ICE1: variants seen among roughly 807,000 people sequenced by gnomAD.
The protein encoded by ICE1 is interactor of little elongation complex ELL subunit 1, also known as little elongation complex subunit 1.
In ICE1, 64 loss-of-function variants were observed where a neutral mutation model predicts 192.7. The observed-to-expected ratio is 0.33, with a 90% confidence interval of 0.27 to 0.41. ICE1 has a LOEUF of 0.41. Among genes scored for constraint, ICE1 ranks in the 10% least tolerant of loss-of-function variants. ICE1 has a pLI of 1.00. For missense variants in ICE1, 2,708 were observed against 2,696.0 expected, an observed-to-expected ratio of 1.00 and a Z score of -0.10; for synonymous variants, 1,010 against 984.5, an observed-to-expected ratio of 1.03 and a Z score of -0.49.
intron 1 of ICE1, among the ~76,000 whole-genome samples, chr5:5,433,359 A>T (rs1737780204): frequency 6.6e-6 from 1 of 152,110 alleles, no homozygotes; most frequent in African/African-American, 2.4e-5. Flanking sequence ...ATTCCCCTTC[A>T]CCTTCTCAAA....
At chr5:5,443,491 C>A (rs1341206431) in intron 6 of ICE1, among the ~76,000 whole-genome samples, 1 of 152,042 alleles carries the variant, frequency 6.6e-6, no homozygotes, top group Non-Finnish European at 1.5e-5. Context: ...ACAAAGAACT[C>A]CATAAAGGTG....
rs369294963 is a variant in ICE1, at chr5:5,464,402, C to T, written c.5068C>T (p.Arg1690Cys). 33 of 1,613,802 alleles carry T rather than the reference C, an allele frequency of 2.0e-5. 1 individual carries two copies. The highest frequency in any genetic ancestry group is 1.6e-4 in the Middle Eastern group (1 of 6,084). The change falls in exon 13 of 19, where the codon CGT (arginine) becomes TGT (cysteine). Residue 1690 changes from arginine (R) to cysteine (C), a missense_variant. By Grantham distance (180) the Arg-to-Cys change is radical. Around this residue, in one of 2 missense-constraint regions of ICE1, gnomAD observed 2,366 missense variants for 2,276.6 expected, o/e 1.04. Transcript: ENST00000296564. This position sits in a 1 kb window ranked among gnomAD's most constrained non-coding sequence, Gnocchi z 4.0. The stretch of plus-strand genomic sequence containing the variant: ...GTCTCCATGGCCAGAGGACCCCAGA[C>T]GTGCCTCTCCTCCAGATCCTTCTCC... ...AMSPWPEDPR[R>C]ASPPDPSPSP...
intron 7 of ICE1, 95 bp downstream of exon 7, chr5:5,444,421 T>C: frequency 1.1e-6 from 1 of 883,506 alleles, no homozygotes; most frequent in Non-Finnish European, 1.8e-6. Flanking sequence ...AGTTGAATTG[T>C]TATGGTTTTT....
chr5:5,464,189 GAC>G lies in ICE1; in HGVS notation c.4860_4861del (p.Leu1621GlufsTer2). On this transcript the variant is annotated frameshift_variant, in exon 13 of 19. Coordinates refer to ENST00000296564, the MANE Select transcript of ICE1 (RefSeq NM_015325.3). LOFTEE classifies it high-confidence loss of function. This position sits in a 1 kb window ranked among gnomAD's most constrained non-coding sequence, Gnocchi z 4.0. ...ATCCACTCCTACAGATTGTTCTCCTGACACACTGAGTAAAATACGGCAAGAGG... is the reference window on the plus strand; with the variant it reads ...ATCCACTCCTACAGATTGTTCTCCTGACACTGAGTAAAATACGGCAAGAGG... ...DTSTPTDCSP[D>X]TLSKIRQEVG... 6.2e-7 allele frequency: 1 copy of G among 1,613,614 alleles called. No individual in the cohort carries two copies. The highest frequency in any genetic ancestry group is 8.5e-7 in the Non-Finnish European group (1 of 1,179,850).
At chr5:5,487,022 C>T (rs1030132699) in intron 18 of ICE1, among the ~76,000 whole-genome samples, 1 of 152,070 alleles carries the variant, frequency 6.6e-6, no homozygotes, top group South Asian at 2.1e-4. Flanking sequence ...AAATAAAAGT[C>T]GTTTGCCTTG....
chr5:5,487,123 A>G (rs1286826377), intron 18 of ICE1, among the ~76,000 whole-genome samples: 1 of 152,164 alleles, frequency 6.6e-6, no homozygotes, highest in Non-Finnish European at 1.5e-5. Flanking sequence ...GTGATCCCTG[A>G]CAAGTGACTT....
intron 10 of ICE1, among the ~76,000 whole-genome samples, chr5:5,454,026 T>C (rs914767705): frequency 1.3e-5 from 2 of 152,208 alleles, no homozygotes; most frequent in African/African-American, 2.4e-5. Context: ...CTCAAGTCCA[T>C]TGATGGATTA....
intron 17 of ICE1, among the ~76,000 whole-genome samples, chr5:5,479,251 A>G (rs758838954): frequency 1.3e-5 from 2 of 152,228 alleles, no homozygotes; most frequent in Non-Finnish European, 2.9e-5. Flanking sequence ...CAAATTTACA[A>G]GAAAAAACAA....
At chr5:5,478,573 A>G (rs529374515) in intron 17 of ICE1, among the ~76,000 whole-genome samples, 1 of 152,334 alleles carries the variant, frequency 6.6e-6, no homozygotes, top group Admixed American at 6.5e-5. Context: ...GCTACCACTG[A>G]CTTTCTTCGC....
In ICE1 at chr5:5,461,641, A is replaced by T. The variant is rs748224429; in HGVS notation, c.2307A>T (p.Thr769=). The T allele has an allele frequency of 3.5e-5, 57 of 1,613,626 alleles. 1 individual carries two copies. The South Asian group carries it at 4.5e-4, about 13-fold the overall frequency. The change falls in exon 13 of 19, where the codon ACA becomes ACT. Residue 769 remains threonine, a synonymous_variant. Coordinates refer to ENST00000296564, the MANE Select transcript of ICE1 (RefSeq NM_015325.3). ...IELTLNKPDF[T]SLIGSQAALI... ...TCACACTAAATAAGCCAGATTTCAC[A>T]TCATTAATAGGTTCTCAGGCTGCCT...
Position 5,466,513 on chromosome 5 carries a change from A to G in ICE1, c.6061+11A>G. 6.3e-7 allele frequency: 1 copy of G among 1,592,430 alleles called. No individual in the cohort carries two copies. Among genetic ancestry groups the G allele is most frequent in the Non-Finnish European group, 8.5e-7 (1 of 1,171,660 alleles). ...GCCTACTTAAAGAAGGTATGCTTAG[A>G]TTGTGACAATTTTGTATTGAAAATA... is the stretch of plus-strand genomic sequence containing the variant. On this transcript the variant is annotated intron_variant, in intron 14 of 18. Coordinates refer to ENST00000296564, the MANE Select transcript of ICE1 (RefSeq NM_015325.3).
intron 17 of ICE1, among the ~76,000 whole-genome samples, chr5:5,479,872 T>C (rs1739444375): frequency 6.6e-6 from 1 of 151,784 alleles, no homozygotes; most frequent in South Asian, 2.1e-4. Flanking sequence ...TTCTCACTCA[T>C]AAGTGGGAGT....
At position 5,463,166 on chromosome 5, in the gene ICE1, A is replaced by G. The variant is rs764383935; in HGVS notation, c.3832A>G (p.Asn1278Asp). Residue 1278 changes from asparagine to aspartate, a missense_variant, in exon 13 of 19, where the codon AAT (asparagine) becomes GAT (aspartate). Physicochemically the swap from Asn to Asp is conservative, Grantham distance 23. Transcript: ENST00000296564. ...ACTTCAAACAAATTCTGAAGATTGC[A>G]ATGGTAAAGATACTGGCAGTTTATT... ...QELQTNSEDC[N>D]GKDTGSLLLL... The G allele has an allele frequency of 2.7e-5, 44 of 1,611,984 alleles. No homozygotes were observed. In the Admixed American group the frequency reaches 6.7e-4, roughly 25 times the overall value.
chr5:5,463,695 A>G lies in ICE1; in HGVS notation c.4361A>G (p.Gln1454Arg). 2 of 1,613,874 alleles carry G rather than the reference A, an allele frequency of 1.2e-6. No homozygotes were observed. Among genetic ancestry groups the G allele is most frequent in the Non-Finnish European group, 1.7e-6 (2 of 1,179,822 alleles). Residue 1454 changes from glutamine (Q) to arginine (R), a missense_variant, in exon 13 of 19, where the codon CAA (glutamine) becomes CGA (arginine). Gln to Arg is a conservative substitution (Grantham distance 43). This residue lies in a region of ICE1 where 2,366 missense variants were observed against 2,276.6 expected (regional missense o/e 1.04). Transcript: ENST00000296564. ...GGAGACATCCCTATTTCTCAGGATC[A>G]AGGAGAGCTGGAAGCTGGTTGCATC... is the stretch of plus-strand genomic sequence containing the variant. The part of the protein sequence containing the change: ...IPGDIPISQD[Q>R]GELEAGCIPV...
chr5:5,458,861 G>A (rs976992092), intron 12 of ICE1, among the ~76,000 whole-genome samples: 1 of 152,082 alleles, frequency 6.6e-6, no homozygotes, highest in African/African-American at 2.4e-5. Flanking sequence ...TTAATAAGCA[G>A]CTCGCTTAAA....
chr5:5,450,125 G>A (rs146999407), intron 10 of ICE1, among the ~76,000 whole-genome samples: 43 of 152,322 alleles, frequency 2.8e-4, no homozygotes, highest in African/African-American at 1.0e-3. Context: ...AGCAACAGAC[G>A]CAAGAAGACT....
chr5:5,474,619 A>G (rs1739261299), intron 16 of ICE1, among the ~76,000 whole-genome samples: 1 of 152,206 alleles, frequency 6.6e-6, no homozygotes, highest in African/African-American at 2.4e-5. Context: ...CTAGCTTTGT[A>G]CCATCTCTGA....
chr5:5,447,115 A>G (rs1738248111), intron 7 of ICE1, among the ~76,000 whole-genome samples: 2 of 152,204 alleles, frequency 1.3e-5, no homozygotes, highest in African/African-American at 4.8e-5. Context: ...AGTGATTGAA[A>G]TGGGACGGCA....
At chr5:5,489,115 C>T (rs1739718109) in intron 18 of ICE1, 34 bp from the exon 19 acceptor site, 5 of 1,587,346 alleles carry the variant, frequency 3.1e-6, no homozygotes, top group Non-Finnish European at 4.3e-6. Context: ...CAGATATTTT[C>T]TTGTTTTATG....
Sources: gnomAD v4.1 joint callset for allele counts (sites outside exome capture counted in the v4.1 genomes callset) on GRCh38, gnomAD v4.1.1 for gene constraint, gnomAD v4.1.1 regional missense constraint, Gnocchi (gnomAD v3.1) non-coding constraint, MANE v1.5 for transcripts, NCBI Gene and HGNC (gene_info 2026-07-23, HGNC 2026-07-21) for gene names.